HMGB1: variants seen among roughly 807,000 people sequenced by gnomAD.
HMGB1 encodes high mobility group protein B1.
For synonymous variants in HMGB1, 81 were observed against 84.0 expected, an observed-to-expected ratio of 0.96 and a Z score of 0.19; for missense variants, 79 against 253.5, an observed-to-expected ratio of 0.31 and a Z score of 4.67.
At chr13:30,492,928 T>C (rs1046969436) in intron 1 of HMGB1, among the ~76,000 whole-genome samples, 7 of 145,364 alleles carry the variant, frequency 4.8e-5, no homozygotes, top group African/African-American at 1.0e-4. Flanking sequence ...GAGGGGGAGG[T>C]TGCAGTGAGC....
Position 30,459,729 on chromosome 13 carries a change from G to A in HMGB1, c.*1628C>T, listed in dbSNP as rs1414558613. On this transcript the variant is annotated 3_prime_UTR_variant, in exon 5 of 5. Transcript: ENST00000341423. ...AGCATAAAGTGAGTATTTTTAAAGG[G>A]AAAAACTTTGCCATCCCTTATACTT... is the stretch of plus-strand genomic sequence containing the variant. The A allele has an allele frequency of 2.0e-5, 3 of 152,056 alleles. No individual in the cohort carries two copies. The highest frequency in any genetic ancestry group is 4.4e-5 in the Non-Finnish European group (3 of 67,986). 9.4% of individuals were successfully genotyped at this position (152,056 alleles called of 1,614,324 possible).
intron 1 of HMGB1, among the ~76,000 whole-genome samples, chr13:30,547,507 G>A (rs1869214844): frequency 6.6e-6 from 1 of 152,168 alleles, no homozygotes; most frequent in Non-Finnish European, 1.5e-5. Flanking sequence ...CTTAACCTGT[G>A]AATATGAGAA....
At chr13:30,466,339 G>T (rs1886785590), upstream of HMGB1, among the ~76,000 whole-genome samples, 1 of 150,362 alleles carries the variant, frequency 6.7e-6, no homozygotes, top group Non-Finnish European at 1.5e-5. Flanking sequence ...AAGCCGTTGA[G>T]ATAAGAGGCC....
At chr13:30,596,747 C>T (rs1871628127) in intron 1 of HMGB1, among the ~76,000 whole-genome samples, 1 of 152,196 alleles carries the variant, frequency 6.6e-6, no homozygotes, top group African/African-American at 2.4e-5. Flanking sequence ...ACGGAATACA[C>T]TAACAATAGT....
At chr13:30,606,193 G>A (rs775198870) in intron 1 of HMGB1, among the ~76,000 whole-genome samples, 2 of 152,156 alleles carry the variant, frequency 1.3e-5, no homozygotes, top group Non-Finnish European at 2.9e-5. Context: ...TTCTATTCTA[G>A]AAGGATAGTT....
At chr13:30,596,925 A>G (rs1036493588) in intron 1 of HMGB1, among the ~76,000 whole-genome samples, 15 of 152,232 alleles carry the variant, frequency 9.9e-5, no homozygotes, top group Non-Finnish European at 7.3e-5. Context: ...ATTGCATATT[A>G]TATAGTATGT....
chr13:30,531,121 T>C (rs972859310), intron 1 of HMGB1, among the ~76,000 whole-genome samples: 4 of 152,222 alleles, frequency 2.6e-5, no homozygotes, highest in African/African-American at 4.8e-5. Flanking sequence ...ACTGAACCAC[T>C]GCCATCTTTG....
chr13:30,488,209 G>A (rs538420790), intron 1 of HMGB1, among the ~76,000 whole-genome samples: 3 of 152,204 alleles, frequency 2.0e-5, no homozygotes, highest in South Asian at 2.1e-4. Flanking sequence ...ACTAAATAGC[G>A]TGTAAAACAG....
At chr13:30,572,794 G>A (rs961924747) in intron 1 of HMGB1, among the ~76,000 whole-genome samples, 7 of 152,182 alleles carry the variant, frequency 4.6e-5, no homozygotes, top group African/African-American at 1.4e-4. Context: ...AAAAGAGACC[G>A]TGATTACCCT....
intron 1 of HMGB1, among the ~76,000 whole-genome samples, chr13:30,502,516 T>C (rs1373739142): frequency 6.6e-6 from 1 of 152,226 alleles, no homozygotes; most frequent in Non-Finnish European, 1.5e-5. Flanking sequence ...TATTGAGATA[T>C]AATGTACATA....
intron 1 of HMGB1, among the ~76,000 whole-genome samples, chr13:30,553,181 G>T (rs1297268392): frequency 2.0e-5 from 3 of 152,206 alleles, no homozygotes; most frequent in African/African-American, 7.2e-5. Flanking sequence ...TTGCCAATTT[G>T]AAAGGGACCC....
chr13:30,558,376 G>A (rs1474976487), intron 1 of HMGB1, among the ~76,000 whole-genome samples: 1 of 152,122 alleles, frequency 6.6e-6, no homozygotes, highest in African/African-American at 2.4e-5. Flanking sequence ...TGAATTTTAA[G>A]AACTAGTGTC....
chr13:30,527,203 T>C (rs1189809101), intron 1 of HMGB1, among the ~76,000 whole-genome samples: 1 of 152,178 alleles, frequency 6.6e-6, no homozygotes, highest in Admixed American at 6.5e-5. Context: ...AAAAATGGAA[T>C]GGGACCTGCC....
intron 1 of HMGB1, among the ~76,000 whole-genome samples, chr13:30,474,634 T>C (rs1887023531): frequency 6.6e-6 from 1 of 152,054 alleles, no homozygotes; most frequent in South Asian, 2.1e-4. Flanking sequence ...GCAGGTATGG[T>C]GGCTCACACT....
At chr13:30,495,268 G>T (rs1487072009) in intron 1 of HMGB1, among the ~76,000 whole-genome samples, 1 of 152,048 alleles carries the variant, frequency 6.6e-6, no homozygotes, top group East Asian at 1.9e-4. Flanking sequence ...CACTGTTCAA[G>T]GACTTCTGTG....
intron 1 of HMGB1, among the ~76,000 whole-genome samples, chr13:30,496,957 C>T (rs970446845): frequency 6.6e-6 from 1 of 152,130 alleles, no homozygotes; most frequent in Non-Finnish European, 1.5e-5. Flanking sequence ...TTTTATTCTT[C>T]TCTTCTTAGA....
intron 1 of HMGB1, among the ~76,000 whole-genome samples, chr13:30,586,191 A>G (rs569914026): frequency 1.3e-5 from 2 of 152,090 alleles, no homozygotes; most frequent in African/African-American, 4.8e-5. Flanking sequence ...CTCAGCTGGG[A>G]CTACAGGCAT....
At chr13:30,572,723 T>C (rs1337312208) in intron 1 of HMGB1, among the ~76,000 whole-genome samples, 1 of 152,232 alleles carries the variant, frequency 6.6e-6, no homozygotes, top group Non-Finnish European at 1.5e-5. Context: ...CTGCTTTCTC[T>C]AATTCCAAAG....
chr13:30,476,725 G>A (rs1228506715), intron 1 of HMGB1, among the ~76,000 whole-genome samples: 1 of 152,026 alleles, frequency 6.6e-6, no homozygotes, highest in African/African-American at 2.4e-5. Context: ...TATTAGCTGA[G>A]TGTGGTGGCG....
Sources: allele counts gnomAD v4.1 joint callset (sites outside exome capture counted in the v4.1 genomes callset), GRCh38; gene constraint gnomAD v4.1.1; transcripts MANE v1.5; gene names NCBI Gene and HGNC (gene_info 2026-07-23, HGNC 2026-07-21).